Variants in ATP11A observed in about 807,000 individuals in gnomAD.
ATP11A encodes phospholipid-transporting ATPase IH.
In ATP11A, 81 loss-of-function variants were observed where a neutral mutation model predicts 154.4. That is an observed-to-expected ratio of 0.52 (90% CI 0.44 to 0.63). ATP11A has a LOEUF of 0.63. Ranked by LOEUF, ATP11A falls within the 30% of genes least tolerant of loss-of-function variation. The pLI is 0.00. For missense variants in ATP11A, 1,316 were observed against 1,474.3 expected (o/e 0.89, Z 1.76); for synonymous variants, 623 against 585.9 (o/e 1.06, Z -0.91).
At chr13:112,743,702 T>A (rs1365939664) in intron 1 of ATP11A, among the ~76,000 whole-genome samples, 2 of 152,220 alleles carry the variant, frequency 1.3e-5, no homozygotes, top group Non-Finnish European at 2.9e-5. Flanking sequence ...AGTTGACGGC[T>A]TAGGCAGATG....
chr13:112,861,224 C>T (rs2080094623), intron 24 of ATP11A, among the ~76,000 whole-genome samples: 1 of 152,206 alleles, frequency 6.6e-6, no homozygotes, highest in African/African-American at 2.4e-5. Flanking sequence ...AGGTCCCTCC[C>T]ATGATGCGTG....
intron 17 of ATP11A, among the ~76,000 whole-genome samples, chr13:112,847,184 G>A (rs1479110617): frequency 2.6e-5 from 4 of 152,188 alleles, no homozygotes; most frequent in Non-Finnish European, 4.4e-5. Context: ...CCCTCGGTTG[G>A]CAGCATTTTA....
At chr13:112,853,371 G>A (rs2079831109) in intron 18 of ATP11A, among the ~76,000 whole-genome samples, 1 of 151,720 alleles carries the variant, frequency 6.6e-6, no homozygotes, top group Non-Finnish European at 1.5e-5. Context: ...ATGATTGTCT[G>A]ATCTTGAGAC....
chr13:112,708,576 C>A (rs544511624), intron 1 of ATP11A, among the ~76,000 whole-genome samples: 2 of 152,162 alleles, frequency 1.3e-5, no homozygotes, highest in Non-Finnish European at 2.9e-5. Context: ...TCCTTAGCAC[C>A]CTCACTCACA....
In ATP11A at chr13:112,771,881, G is replaced by A. The variant is rs1024215086; in HGVS notation, c.40-13254G>A. Among the ~76,000 whole-genome samples, 5 of 152,250 alleles carry A rather than the reference G, an allele frequency of 3.3e-5. No homozygotes were observed. The South Asian group carries it at 1.0e-3, about 32-fold the overall frequency. On this transcript the variant is annotated intron_variant, in intron 1 of 29. Coordinates refer to ENST00000375645, the MANE Select transcript of ATP11A (RefSeq NM_015205.3). ...GAGAAAAAGGGAGATAGGAGGAAAC[G>A]TTAATGAACCAGTCCGGTGGGGAGT...
intron 1 of ATP11A, among the ~76,000 whole-genome samples, chr13:112,775,337 C>T (rs2077322067): frequency 6.6e-6 from 1 of 152,224 alleles, no homozygotes; most frequent in Non-Finnish European, 1.5e-5. Context: ...CGTCCTCTTC[C>T]TTCCTACCAC....
intron 24 of ATP11A, among the ~76,000 whole-genome samples, chr13:112,862,218 G>C (rs1005219195): frequency 6.6e-6 from 1 of 152,250 alleles, no homozygotes; most frequent in African/African-American, 2.4e-5. Context: ...ATATGAGAGA[G>C]AAAATATCTG....
At chr13:112,779,481 A>C (rs1305783152) in intron 1 of ATP11A, among the ~76,000 whole-genome samples, 1 of 152,208 alleles carries the variant, frequency 6.6e-6, no homozygotes, top group Non-Finnish European at 1.5e-5. Context: ...GCAATACCCC[A>C]TCTTTAAAAA....
At chr13:112,800,249 T>C (rs1347865289) in intron 2 of ATP11A, among the ~76,000 whole-genome samples, 1 of 151,852 alleles carries the variant, frequency 6.6e-6, no homozygotes, top group Non-Finnish European at 1.5e-5. Context: ...AATAAAACTT[T>C]AGCCAGGCTA....
intron 28 of ATP11A, among the ~76,000 whole-genome samples, chr13:112,877,976 G>A (rs1291396004): frequency 6.6e-6 from 1 of 152,132 alleles, no homozygotes; most frequent in Non-Finnish European, 1.5e-5. Flanking sequence ...GCTACACAGC[G>A]GGACCTGCAG....
At chr13:112,720,303 G>A (rs886108401) in intron 1 of ATP11A, among the ~76,000 whole-genome samples, 1 of 152,240 alleles carries the variant, frequency 6.6e-6, no homozygotes, top group Middle Eastern at 3.2e-3. Flanking sequence ...GGTGTCACAG[G>A]CCATAGGTGG....
At chr13:112,736,773 GACTAAA>G (rs1215740754) in intron 1 of ATP11A, among the ~76,000 whole-genome samples, 4 of 152,134 alleles carry the variant, frequency 2.6e-5, no homozygotes, top group African/African-American at 9.7e-5. Context: ...CTTACATTGA[GACTAAA>G]ATTAAAATTA....
chr13:112,705,578 A>G (rs1357096310), intron 1 of ATP11A, among the ~76,000 whole-genome samples: 2 of 152,174 alleles, frequency 1.3e-5, no homozygotes, highest in Non-Finnish European at 2.9e-5. Flanking sequence ...GGGACGGGGC[A>G]TGGAGGACGG....
chr13:112,855,713 G>A (rs1290315972), intron 19 of ATP11A, among the ~76,000 whole-genome samples, 198 bp from the exon 20 acceptor site: 1 of 152,176 alleles, frequency 6.6e-6, no homozygotes, highest in Non-Finnish European at 1.5e-5. Context: ...AAATAGGAAT[G>A]TTTCATAAAA....
At chr13:112,808,629 T>G (rs2078394755) in intron 4 of ATP11A, among the ~76,000 whole-genome samples, 2 of 152,082 alleles carry the variant, frequency 1.3e-5, no homozygotes, top group South Asian at 4.2e-4. Flanking sequence ...CGGCCCCTCC[T>G]CGCTTGCCTT....
At chr13:112,835,325 C>T (rs145750733) in intron 15 of ATP11A, among the ~76,000 whole-genome samples, 1 of 152,216 alleles carries the variant, frequency 6.6e-6, no homozygotes, top group Non-Finnish European at 1.5e-5. Context: ...GACACAAGAT[C>T]TGGTGGTGAT....
chr13:112,698,765 T>A (rs1396412546), intron 1 of ATP11A, among the ~76,000 whole-genome samples: 2 of 152,158 alleles, frequency 1.3e-5, no homozygotes, highest in Non-Finnish European at 2.9e-5. Context: ...TCACCCAGGC[T>A]GGAGTGGGTG....
chr13:112,788,766 C>T (rs1009522395), intron 2 of ATP11A, among the ~76,000 whole-genome samples: 16 of 150,428 alleles, frequency 1.1e-4, no homozygotes, highest in East Asian at 2.0e-4. Flanking sequence ...TAATTCACAC[C>T]GGGTGTCCTG....
chr13:112,871,694 T>A, intron 25 of ATP11A, 41 bp from the exon 26 acceptor site: 1 of 1,578,972 alleles, frequency 6.3e-7, no homozygotes, highest in Non-Finnish European at 8.7e-7. Flanking sequence ...GAAAAAAAAA[T>A]ACATAAAAAC....
Sources: allele counts gnomAD v4.1 joint callset (sites outside exome capture counted in the v4.1 genomes callset), GRCh38; gene constraint gnomAD v4.1.1; transcripts MANE v1.5; gene names NCBI Gene and HGNC (gene_info 2026-07-23, HGNC 2026-07-21).